ZFYVE9: variants seen among roughly 807,000 people sequenced by gnomAD.
The protein encoded by ZFYVE9 is zinc finger FYVE domain-containing protein 9.
Under a neutral mutation model 126.7 loss-of-function variants are expected in ZFYVE9, and 43 were observed. That is an observed-to-expected ratio of 0.34 (90% CI 0.27 to 0.44). The LOEUF is 0.44. Among genes scored for constraint, ZFYVE9 ranks in the 20% least tolerant of loss-of-function variants. ZFYVE9 has a pLI of 1.00. For missense variants in ZFYVE9, 1,476 were observed against 1,697.0 expected (o/e 0.87, Z 2.29); for synonymous variants, 521 against 597.4 (o/e 0.87, Z 1.87).
chr1:52,326,368 A>G (rs1185559877), intron 13 of ZFYVE9, among the ~76,000 whole-genome samples: 1 of 152,204 alleles, frequency 6.6e-6, no homozygotes, highest in Non-Finnish European at 1.5e-5. Context: ...TTGTTAAAAG[A>G]GTACTTATTA....
chr1:52,157,341 G>A (rs989116058), intron 1 of ZFYVE9, among the ~76,000 whole-genome samples: 2 of 149,996 alleles, frequency 1.3e-5, no homozygotes, highest in Non-Finnish European at 3.0e-5. Context: ...TATATATTAA[G>A]CAGCACTGAT....
intron 17 of ZFYVE9, among the ~76,000 whole-genome samples, chr1:52,344,549 G>C (rs1403578499): frequency 6.6e-6 from 1 of 152,156 alleles, no homozygotes; most frequent in African/African-American, 2.4e-5. Flanking sequence ...GGCTGCTGCT[G>C]TCATTTTGTG....
chr1:52,336,018 C>T (rs1041525046), intron 15 of ZFYVE9, among the ~76,000 whole-genome samples: 10 of 152,052 alleles, frequency 6.6e-5, no homozygotes, highest in African/African-American at 2.2e-4. Context: ...CCTGTAATCC[C>T]AGCTACTTGG....
intron 17 of ZFYVE9, among the ~76,000 whole-genome samples, chr1:52,344,071 C>CA (rs112122608): frequency 0.021 from 1,892 of 89,744 alleles, 7 homozygotes; most frequent in African/African-American, 0.04. Flanking sequence ...ACTTTGTTTC[C>CA]AAAAAAAAAA....
At chr1:52,188,688 T>C (rs1644787944) in intron 1 of ZFYVE9, among the ~76,000 whole-genome samples, 1 of 152,126 alleles carries the variant, frequency 6.6e-6, no homozygotes, top group African/African-American at 2.4e-5. Flanking sequence ...ATGAGTTGCA[T>C]TGGTTTATAT....
chr1:52,293,570 T>A lies in ZFYVE9; in HGVS notation c.3143T>A (p.Leu1048His), dbSNP rs371180594. Reference protein sequence around the residue: ...STYQSLQDLVLPTPPYLFGIL... With the variant: ...STYQSLQDLVHPTPPYLFGIL... ...TACCAGTCACTGCAAGACCTAGTAC[T>A]CCCAACCCCACCTTACTTGTTTGGG... Residue 1048 changes from leucine (L) to histidine (H), a missense_variant, in exon 11 of 19, where the codon CTC becomes CAC. Transcript: ENST00000287727. 1.6e-5 allele frequency: 26 copies of A among 1,613,920 alleles called. No homozygotes were observed. The highest frequency in any genetic ancestry group is 6.6e-5 in the South Asian group (6 of 91,072).
intron 8 of ZFYVE9, among the ~76,000 whole-genome samples, chr1:52,276,916 A>T (rs906640830): frequency 2.6e-5 from 4 of 152,220 alleles, no homozygotes; most frequent in Admixed American, 2.6e-4. Flanking sequence ...TGCTCCTTGC[A>T]TGGTGCTAGG....
intron 4 of ZFYVE9, among the ~76,000 whole-genome samples, chr1:52,257,516 T>C (rs1645533250): frequency 6.6e-6 from 1 of 152,196 alleles, no homozygotes; most frequent in Non-Finnish European, 1.5e-5. Flanking sequence ...CTTTGTCTCT[T>C]TATGCTTAGG....
intron 1 of ZFYVE9, among the ~76,000 whole-genome samples, chr1:52,178,626 G>C (rs1341387350): frequency 1.3e-5 from 2 of 152,120 alleles, no homozygotes; most frequent in Non-Finnish European, 2.9e-5. Flanking sequence ...ACCTCGCCCG[G>C]CTTATTTGGT....
chr1:52,260,271 G>T (rs1379592941), intron 4 of ZFYVE9, among the ~76,000 whole-genome samples: 1 of 142,118 alleles, frequency 7.0e-6, no homozygotes, highest in Non-Finnish European at 1.5e-5. Context: ...ATTTTGTCAT[G>T]TGTGGTATTT....
chr1:52,296,140 T>C (rs909067586), intron 12 of ZFYVE9, among the ~76,000 whole-genome samples, 163 bp downstream of exon 12: 14 of 150,988 alleles, frequency 9.3e-5, no homozygotes, highest in Admixed American at 2.0e-4. Flanking sequence ...TATATATATA[T>C]ACACACACAC....
intron 7 of ZFYVE9, among the ~76,000 whole-genome samples, chr1:52,269,061 C>T (rs1569632615): frequency 6.6e-6 from 1 of 152,196 alleles, no homozygotes; most frequent in African/African-American, 2.4e-5. Flanking sequence ...GAGTGGTACA[C>T]TTGTTACACT....
chr1:52,294,734 T>C (rs1342984308), intron 11 of ZFYVE9, among the ~76,000 whole-genome samples: 1 of 152,184 alleles, frequency 6.6e-6, no homozygotes, highest in East Asian at 1.9e-4. Context: ...CTGGATTAAC[T>C]CTGAAGGAGG....
chr1:52,218,351 A>C (rs1283273069), intron 2 of ZFYVE9, among the ~76,000 whole-genome samples: 1 of 152,208 alleles, frequency 6.6e-6, no homozygotes, highest in Non-Finnish European at 1.5e-5. Flanking sequence ...ACTACATCCC[A>C]TCAGGTTTCC....
intron 1 of ZFYVE9, among the ~76,000 whole-genome samples, chr1:52,209,884 T>G (rs1048973740): frequency 9.9e-5 from 15 of 152,178 alleles, no homozygotes; most frequent in African/African-American, 3.6e-4. Flanking sequence ...TGAATGATGT[T>G]AAGTATGGAA....
chr1:52,336,947 T>TAAAAAAAAAAAAAAAAAAAAAAAAA (rs71041896), intron 15 of ZFYVE9, among the ~76,000 whole-genome samples: 1 of 107,852 alleles, frequency 9.3e-6, no homozygotes, highest in African/African-American at 3.6e-5. Flanking sequence ...AGTCATCTCT[T>TAAAAAAAAAAAAAAAAAAAAAAAAA]AAAAAAAAAA....
At chr1:52,338,209 C>A (rs372237359) in intron 16 of ZFYVE9, among the ~76,000 whole-genome samples, 1 of 152,158 alleles carries the variant, frequency 6.6e-6, no homozygotes, top group Non-Finnish European at 1.5e-5. Context: ...ATACCTGAGC[C>A]TTTTAAGATT....
rs1645305190 is a variant in ZFYVE9, at chr1:52,238,907, C to G, written c.1490C>G (p.Ser497Cys). Residue 497 changes from serine (S) to cysteine (C), a missense_variant, in exon 4 of 19, where the codon TCC becomes TGC. Transcript: ENST00000287727. ...TCTTTTGTTCCAAAGACTTTACCCT[C>G]CAAAGAAGATTCAGTAACAGAAGAA... is the stretch of plus-strand genomic sequence containing the variant. ...GVSFVPKTLP[S>C]KEDSVTEEKE... The G allele has an allele frequency of 6.2e-7, 1 of 1,613,670 alleles. No homozygotes were observed. The highest frequency in any genetic ancestry group is 8.5e-7 in the Non-Finnish European group (1 of 1,179,946).
chr1:52,183,795 C>T (rs960242977), intron 1 of ZFYVE9, among the ~76,000 whole-genome samples: 1 of 152,092 alleles, frequency 6.6e-6, no homozygotes, highest in African/African-American at 2.4e-5. Context: ...CGTGAGCCAC[C>T]GCGTCCAGCC....
Sources: allele counts gnomAD v4.1 joint callset (sites outside exome capture counted in the v4.1 genomes callset), GRCh38; gene constraint gnomAD v4.1.1; transcripts MANE v1.5; gene names NCBI Gene and HGNC (gene_info 2026-07-23, HGNC 2026-07-21).